The following SLC25A26 variants were observed in gnomAD, a reference collection of about 807,000 sequenced individuals.
SLC25A26 encodes the protein mitochondrial S-adenosylmethionine carrier protein.
Under a neutral mutation model 37.8 loss-of-function variants are expected in SLC25A26, and 36 were observed. That is an observed-to-expected ratio of 0.95 (90% CI 0.73 to 1.26). The LOEUF (loss-of-function observed/expected upper bound fraction) is 1.26. SLC25A26 is among the 50% of genes most tolerant of loss of function. SLC25A26 has a pLI of 0.00. For synonymous variants in SLC25A26, 129 were observed against 122.5 expected (o/e 1.05, Z -0.35); for missense variants, 390 against 331.1 (o/e 1.18, Z -1.38).
intron 1 of SLC25A26, among the ~76,000 whole-genome samples, chr3:66,214,774 T>C (rs1193081165): frequency 6.6e-6 from 1 of 152,226 alleles, no homozygotes; most frequent in Non-Finnish European, 1.5e-5. Flanking sequence ...ATAACAAAGC[T>C]ATTAACTGAA....
chr3:66,206,544 A>G (rs1169139115), intron 1 of SLC25A26, among the ~76,000 whole-genome samples: 1 of 152,228 alleles, frequency 6.6e-6, no homozygotes, highest in African/African-American at 2.4e-5. Context: ...GCAAGGCTGT[A>G]CATACTGTTT....
chr3:66,370,650 C>G (rs1394469552), intron 9 of SLC25A26, 48 bp downstream of exon 9: 7 of 1,459,538 alleles, frequency 4.8e-6, no homozygotes, highest in Non-Finnish European at 6.7e-6. Context: ...CACCACTCCT[C>G]CTCCTTTAGC....
intron 5 of SLC25A26, among the ~76,000 whole-genome samples, chr3:66,333,527 T>C (rs961983625): frequency 2.6e-5 from 4 of 152,212 alleles, no homozygotes; most frequent in Non-Finnish European, 4.4e-5. Flanking sequence ...TTCCGACTCA[T>C]ACTGGCCTTT....
chr3:66,165,304 T>A (rs925301248), intron 1 of SLC25A26, among the ~76,000 whole-genome samples: 1 of 152,196 alleles, frequency 6.6e-6, no homozygotes, highest in South Asian at 2.1e-4. Context: ...TGCAACCTCA[T>A]GAGAAACTTT....
chr3:66,347,025 AAAAC>A (rs1317848528), intron 6 of SLC25A26, among the ~76,000 whole-genome samples: 1 of 152,190 alleles, frequency 6.6e-6, no homozygotes, highest in Non-Finnish European at 1.5e-5. Context: ...ATTTAAAAAA[AAAAC>A]AACATGTTTT....
chr3:66,210,000 A>T (rs1317563898), intron 1 of SLC25A26, among the ~76,000 whole-genome samples: 1 of 133,312 alleles, frequency 7.5e-6, no homozygotes, highest in Non-Finnish European at 1.6e-5. Flanking sequence ...AGCAATACCA[A>T]TCCCCTAGCA....
chr3:66,205,704 G>A (rs2071167576), intron 1 of SLC25A26, among the ~76,000 whole-genome samples: 1 of 152,184 alleles, frequency 6.6e-6, no homozygotes, highest in African/African-American at 2.4e-5. Flanking sequence ...TTCCTGATAA[G>A]TGGAGGCAGC....
At chr3:66,269,467 G>A (rs954498924) in intron 5 of SLC25A26, among the ~76,000 whole-genome samples, 3 of 152,154 alleles carry the variant, frequency 2.0e-5, no homozygotes, top group Admixed American at 2.0e-4. Context: ...GGCTACTTAT[G>A]TAGGAAAAAC....
In SLC25A26 at chr3:66,315,790, G is replaced by A. The variant is rs747174155; in HGVS notation, c.454-30574G>A. Among the ~76,000 whole-genome samples, 3 of 152,236 alleles carry A rather than the reference G, an allele frequency of 2.0e-5. No individual in the cohort carries two copies. The East Asian group carries it at 5.8e-4, about 29-fold the overall frequency. ...CTAAGAACTTGTTTTATGAATCTAGGTGCTCCTGTATTGGGTCCATATATA... is the reference window on the plus strand; with the variant it reads ...CTAAGAACTTGTTTTATGAATCTAGATGCTCCTGTATTGGGTCCATATATA... On this transcript the variant is annotated intron_variant, in intron 5 of 9. Transcript: ENST00000354883.
intron 5 of SLC25A26, among the ~76,000 whole-genome samples, chr3:66,274,522 G>T (rs1411994228): frequency 1.4e-5 from 2 of 145,280 alleles, no homozygotes; most frequent in South Asian, 4.4e-4. Flanking sequence ...GCTAATATCC[G>T]GAATCTACAA....
At chr3:66,353,201 C>T (rs899640078) in intron 6 of SLC25A26, among the ~76,000 whole-genome samples, 2 of 152,170 alleles carry the variant, frequency 1.3e-5, no homozygotes, top group African/African-American at 2.4e-5. Flanking sequence ...GCGTAGCAGA[C>T]AGGTGACTCA....
At chr3:66,178,999 G>A (rs2070642992) in intron 1 of SLC25A26, among the ~76,000 whole-genome samples, 1 of 152,178 alleles carries the variant, frequency 6.6e-6, no homozygotes, top group African/African-American at 2.4e-5. Flanking sequence ...CTTGCAAGCA[G>A]CATAGAGAGG....
chr3:66,275,384 A>T (rs999486440), intron 5 of SLC25A26, among the ~76,000 whole-genome samples: 22 of 152,132 alleles, frequency 1.4e-4, no homozygotes, highest in African/African-American at 5.3e-4. Context: ...CATGTACCCT[A>T]AAACTTAAAG....
rs574467062 is a variant in SLC25A26, at chr3:66,244,917, C to G, written c.300+1605C>G. 2.0e-5 allele frequency among the ~76,000 whole-genome samples: 3 copies of G among 152,142 alleles called. No individual in the cohort carries two copies. In the East Asian group the frequency reaches 5.8e-4, roughly 29 times the overall value. ...GCATGAACCCGGGAGGCAGAGCTTGCAGTGAGCCGAGATCAAGCCGCTGCA... is the reference window on the plus strand; with the variant it reads ...GCATGAACCCGGGAGGCAGAGCTTGGAGTGAGCCGAGATCAAGCCGCTGCA... On this transcript the variant is annotated intron_variant, in intron 3 of 9. Coordinates refer to ENST00000354883, the MANE Select transcript of SLC25A26 (RefSeq NM_001379210.1).
At chr3:66,188,380 G>A (rs1315084261) in intron 1 of SLC25A26, among the ~76,000 whole-genome samples, 5 of 152,134 alleles carry the variant, frequency 3.3e-5, no homozygotes, top group Non-Finnish European at 5.9e-5. Flanking sequence ...AGGTTGTTTT[G>A]GTCATGGGGG....
At chr3:66,151,194 G>A (rs2070203526) in intron 1 of SLC25A26, among the ~76,000 whole-genome samples, 1 of 152,166 alleles carries the variant, frequency 6.6e-6, no homozygotes. Flanking sequence ...TGTAGTTCCT[G>A]CCATTGTGGC....
At position 66,236,526 on chromosome 3, in the gene SLC25A26, C is replaced by T. The variant is rs1445827720; in HGVS notation, c.34-18C>T. Reference sequence around the variant, plus strand: ...TAACCTTTTTTTTTTCTTTTTCTTCCCTCTTTTTTTTTCAAAGGCTGGTGG... The same window carrying T: ...TAACCTTTTTTTTTTCTTTTTCTTCTCTCTTTTTTTTTCAAAGGCTGGTGG... On this transcript the variant is annotated intron_variant, in intron 1 of 9. Coordinates refer to ENST00000354883, the MANE Select transcript of SLC25A26 (RefSeq NM_001379210.1). 2.1e-6 allele frequency: 3 copies of T among 1,422,352 alleles called. No individual in the cohort carries two copies. Among genetic ancestry groups the T allele is most frequent in the Middle Eastern group, 1.8e-4 (1 of 5,472 alleles). 88.1% of individuals were successfully genotyped at this position (1,422,352 alleles called of 1,614,324 possible). A position where few individuals can be genotyped will look rare whatever the true frequency, so the allele number is the denominator to read the frequency against.
chr3:66,243,556 A>G (rs1005763423), intron 3 of SLC25A26, among the ~76,000 whole-genome samples: 9 of 152,244 alleles, frequency 5.9e-5, no homozygotes, highest in African/African-American at 2.2e-4. Flanking sequence ...GATGTAAAAC[A>G]TAATTATATG....
chr3:66,283,373 C>T (rs371270063), intron 5 of SLC25A26, among the ~76,000 whole-genome samples: 3 of 152,100 alleles, frequency 2.0e-5, no homozygotes, highest in South Asian at 2.1e-4. Flanking sequence ...ACCTGTTTCC[C>T]GGGCTCAAGT....
Sources: gnomAD v4.1 joint callset for allele counts (sites outside exome capture counted in the v4.1 genomes callset) on GRCh38, gnomAD v4.1.1 for gene constraint, MANE v1.5 for transcripts, NCBI Gene and HGNC (gene_info 2026-07-23, HGNC 2026-07-21) for gene names.